The following ADAMTS16 variants were observed in gnomAD, a reference collection of about 807,000 sequenced individuals.
The protein encoded by ADAMTS16 is ADAM metallopeptidase with thrombospondin type 1 motif 16.
ADAMTS16 carries 94 observed loss-of-function variants against 145.8 expected under a neutral mutation model. That is an observed-to-expected ratio of 0.64 (90% CI 0.55 to 0.77). The LOEUF is 0.77. ADAMTS16 is among the 30% of genes least tolerant of loss of function. The pLI is 0.00. For missense variants in ADAMTS16, 1,585 were observed against 1,591.5 expected (o/e 1.00, Z 0.07); for synonymous variants, 659 against 604.3 (o/e 1.09, Z -1.33).
At position 5,233,405 on chromosome 5, in the gene ADAMTS16, C is replaced by T. The variant is rs906613999; in HGVS notation, c.1850+889C>T. On this transcript the variant is annotated intron_variant, in intron 12 of 22. Coordinates refer to ENST00000274181, the MANE Select transcript of ADAMTS16 (RefSeq NM_139056.4). The stretch of plus-strand genomic sequence containing the variant: ...TTGTTACATAAGCAAACTTGTGTCA[C>T]GGGTGTGTGTTGTGCAGATTATTTC... Among the ~76,000 whole-genome samples the T allele has an allele frequency of 7.2e-5, 11 of 152,218 alleles. No homozygotes were observed. In the East Asian group the frequency reaches 1.9e-3, roughly 27 times the overall value.
rs748739751 is a variant in ADAMTS16, at chr5:5,252,478, C to T, written c.2663-10179C>T. Among the ~76,000 whole-genome samples the T allele has an allele frequency of 4.6e-5, 7 of 151,978 alleles. No individual in the cohort carries two copies. The South Asian group carries it at 6.2e-4, about 14-fold the overall frequency. On this transcript the variant is annotated intron_variant, in intron 17 of 22. Coordinates refer to ENST00000274181, the MANE Select transcript of ADAMTS16 (RefSeq NM_139056.4). ...ACGACCTTTGAAAGGTGAGTGTAGA[C>T]GCCTTAGTGCATGGGGGTGAAAACT... is the stretch of plus-strand genomic sequence containing the variant.
At chr5:5,305,032 T>C (rs1050872837) in intron 20 of ADAMTS16, among the ~76,000 whole-genome samples, 24 of 17,828 alleles carry the variant, frequency 1.3e-3, no homozygotes, top group South Asian at 2.3e-3. Flanking sequence ...CACACACACA[T>C]CCATCCCACA....
At chr5:5,274,310 A>G (rs146824815) in intron 18 of ADAMTS16, among the ~76,000 whole-genome samples, 22 of 152,314 alleles carry the variant, frequency 1.4e-4, no homozygotes, top group Middle Eastern at 3.4e-3. Context: ...CCATGATAGT[A>G]TAATATAGGG....
intron 10 of ADAMTS16, among the ~76,000 whole-genome samples, chr5:5,215,769 TATATATATATG>T (rs1736409185): frequency 6.9e-6 from 1 of 144,370 alleles, no homozygotes; most frequent in African/African-American, 2.6e-5. Flanking sequence ...ATGTATGTGG[TATATATATATG>T]GTATATATAT....
At chr5:5,168,596 A>AT (rs1553987462) in intron 3 of ADAMTS16, among the ~76,000 whole-genome samples, 1 of 125,496 alleles carries the variant, frequency 8.0e-6, no homozygotes, top group East Asian at 2.1e-4. Flanking sequence ...TATTATATAT[A>AT]ATATATAATT....
chr5:5,237,712 C>G (rs533896886), intron 14 of ADAMTS16, among the ~76,000 whole-genome samples: 9 of 152,124 alleles, frequency 5.9e-5, no homozygotes, highest in African/African-American at 2.2e-4. Flanking sequence ...GAGCCTGGGC[C>G]ACTTCGCAGC....
At chr5:5,220,260 C>T (rs976923695) in intron 10 of ADAMTS16, among the ~76,000 whole-genome samples, 13 of 149,566 alleles carry the variant, frequency 8.7e-5, no homozygotes, top group Admixed American at 1.3e-4. Context: ...TCCAGGTTCA[C>T]GCCATTCTCC....
chr5:5,294,396 C>T (rs1223252680), intron 18 of ADAMTS16, among the ~76,000 whole-genome samples: 3 of 152,168 alleles, frequency 2.0e-5, no homozygotes, highest in Admixed American at 6.5e-5. Context: ...CCAAAATCTG[C>T]AGGACAGATC....
At chr5:5,307,005 T>A (rs1213622543) in intron 21 of ADAMTS16, among the ~76,000 whole-genome samples, 1 of 152,076 alleles carries the variant, frequency 6.6e-6, no homozygotes, top group Non-Finnish European at 1.5e-5. Flanking sequence ...ATGCCTTGGG[T>A]AAAATCTGGG....
intron 8 of ADAMTS16, among the ~76,000 whole-genome samples, chr5:5,196,719 C>T (rs1222344966): frequency 3.3e-5 from 5 of 152,214 alleles, no homozygotes; most frequent in African/African-American, 1.2e-4. Flanking sequence ...ACCAAGACCA[C>T]ATTTGGATCC....
At chr5:5,240,447 A>C (rs951070717) in intron 16 of ADAMTS16, among the ~76,000 whole-genome samples, 1 of 152,246 alleles carries the variant, frequency 6.6e-6, no homozygotes, top group Non-Finnish European at 1.5e-5. Context: ...CTGTTTACTC[A>C]TGAATGCAGA....
At chr5:5,247,499 C>T (rs1442011519) in intron 17 of ADAMTS16, among the ~76,000 whole-genome samples, 1 of 152,038 alleles carries the variant, frequency 6.6e-6, no homozygotes, top group Non-Finnish European at 1.5e-5. Context: ...GCTCAGAGGT[C>T]CAGGGTAAAA....
At chr5:5,287,935 G>A (rs1211814823) in intron 18 of ADAMTS16, among the ~76,000 whole-genome samples, 1 of 152,156 alleles carries the variant, frequency 6.6e-6, no homozygotes, top group Non-Finnish European at 1.5e-5. Flanking sequence ...ATCCAGGTTC[G>A]CTGCAGGAGG....
intron 3 of ADAMTS16, among the ~76,000 whole-genome samples, chr5:5,166,363 G>A (rs1734882077): frequency 6.6e-6 from 1 of 152,132 alleles, no homozygotes; most frequent in Non-Finnish European, 1.5e-5. Context: ...GACCTCAGAA[G>A]CCACCACTGG....
At chr5:5,299,973 G>T (rs1460732244) in intron 18 of ADAMTS16, among the ~76,000 whole-genome samples, 5 of 152,328 alleles carry the variant, frequency 3.3e-5, no homozygotes, top group African/African-American at 7.2e-5. Flanking sequence ...CTAAAGCTCG[G>T]TTTTTTAAAC....
At chr5:5,222,318 T>TGGAC (rs1447630857) in intron 10 of ADAMTS16, among the ~76,000 whole-genome samples, 5 of 147,594 alleles carry the variant, frequency 3.4e-5, no homozygotes, top group Non-Finnish European at 7.5e-5. Flanking sequence ...CATGGTTAAA[T>TGGAC]GGATGGATGG....
Position 5,189,961 on chromosome 5 carries a change from T to C in ADAMTS16, c.1048-10T>C. ...TATCATGGGGTCCTCGGTCCTTGTCTCTTGCACAGCCAGGACTGGTGATAA... is the reference window on the plus strand; with the variant it reads ...TATCATGGGGTCCTCGGTCCTTGTCCCTTGCACAGCCAGGACTGGTGATAA... On this transcript the variant is annotated splice_polypyrimidine_tract_variant and intron_variant, in intron 6 of 22. Coordinates refer to ENST00000274181, the MANE Select transcript of ADAMTS16 (RefSeq NM_139056.4). 6.2e-7 allele frequency: 1 copy of C among 1,610,202 alleles called. No individual in the cohort carries two copies. The highest frequency in any genetic ancestry group is 8.5e-7 in the Non-Finnish European group (1 of 1,178,700).
chr5:5,217,927 A>T (rs1736481963), intron 10 of ADAMTS16, among the ~76,000 whole-genome samples: 1 of 152,174 alleles, frequency 6.6e-6, no homozygotes, highest in African/African-American at 2.4e-5. Flanking sequence ...ATAAGCCGCC[A>T]GAATTGCTTT....
chr5:5,189,921 A>G (rs1560941177), intron 6 of ADAMTS16, 50 bp from the exon 7 acceptor site: 1 of 1,600,598 alleles, frequency 6.2e-7, no homozygotes, highest in South Asian at 1.1e-5. Context: ...GCATTATAAC[A>G]TGTTTTCTCT....
Sources: allele counts gnomAD v4.1 joint callset (sites outside exome capture counted in the v4.1 genomes callset), GRCh38; gene constraint gnomAD v4.1.1; transcripts MANE v1.5; gene names NCBI Gene and HGNC (gene_info 2026-07-23, HGNC 2026-07-21).